ZCWPW2: variants seen among roughly 807,000 people sequenced by gnomAD.
ZCWPW2 encodes the protein zinc finger CW-type PWWP domain protein 2.
A neutral mutation model predicts 46.6 loss-of-function variants in ZCWPW2; 45 were observed. The observed-to-expected ratio is 0.96, with a 90% confidence interval of 0.76 to 1.24. The LOEUF (loss-of-function observed/expected upper bound fraction) is 1.24, where lower values mean the gene tolerates loss of function less well. Ranked by LOEUF, ZCWPW2 falls within the 50% of genes most tolerant of loss-of-function variation. The pLI is 0.00. For missense variants in ZCWPW2, 429 were observed against 403.9 expected (o/e 1.06, Z -0.53); for synonymous variants, 152 against 137.1 (o/e 1.11, Z -0.76).
At chr3:28,389,566 T>C (rs967164108) in intron 1 of ZCWPW2, among the ~76,000 whole-genome samples, 4 of 152,200 alleles carry the variant, frequency 2.6e-5, no homozygotes, top group Non-Finnish European at 4.4e-5. Context: ...GTTATTAGTG[T>C]CTTTAAATCT....
chr3:28,425,669 A>G (rs1696978891), intron 3 of ZCWPW2, among the ~76,000 whole-genome samples: 1 of 152,232 alleles, frequency 6.6e-6, no homozygotes, highest in Non-Finnish European at 1.5e-5. Context: ...AGAATCTAGA[A>G]CTGCTTTATA....
intron 4 of ZCWPW2, among the ~76,000 whole-genome samples, chr3:28,463,161 TAA>T (rs1698704883): frequency 6.6e-6 from 1 of 152,200 alleles, no homozygotes; most frequent in Non-Finnish European, 1.5e-5. Flanking sequence ...ATTTTTAGTC[TAA>T]GTGTCTTTCT....
intron 2 of ZCWPW2, among the ~76,000 whole-genome samples, chr3:28,401,039 C>T (rs936514990): frequency 4.6e-5 from 7 of 151,838 alleles, no homozygotes; most frequent in Non-Finnish European, 8.8e-5. Flanking sequence ...ATTAGCCGGG[C>T]GTGGTGGCAG....
At chr3:28,383,567 T>C (rs748335210) in intron 1 of ZCWPW2, among the ~76,000 whole-genome samples, 3 of 151,654 alleles carry the variant, frequency 2.0e-5, no homozygotes, top group African/African-American at 4.8e-5. Context: ...TTTTTTTTTC[T>C]ACTTTATAAG....
At position 28,435,212 on chromosome 3, in the gene ZCWPW2, C is replaced by T. The variant is rs1176847806; in HGVS notation, c.435C>T (p.Pro145=). Residue 145 remains proline (P), a synonymous_variant, in exon 4 of 10, where the codon CCC becomes CCT. Transcript: ENST00000383768. ...EEYHIEFLGD[P]HSRSWIKATF... ...ATCACATAGAATTCCTGGGCGATCC[C>T]CATTCAAGATCATGGATAAAGGCAA... is the stretch of plus-strand genomic sequence containing the variant. 1.7e-5 allele frequency: 27 copies of T among 1,613,086 alleles called. No homozygotes were observed. Among genetic ancestry groups the T allele is most frequent in the Non-Finnish European group, 2.3e-5 (27 of 1,179,878 alleles).
At chr3:28,430,406 A>G (rs1697208157) in intron 3 of ZCWPW2, among the ~76,000 whole-genome samples, 2 of 152,240 alleles carry the variant, frequency 1.3e-5, no homozygotes, top group African/African-American at 4.8e-5. Flanking sequence ...CCTTGTACTC[A>G]CATGGTATCT....
chr3:28,454,066 G>A (rs1041109389), intron 4 of ZCWPW2, among the ~76,000 whole-genome samples: 1 of 151,452 alleles, frequency 6.6e-6, no homozygotes, highest in African/African-American at 2.4e-5. Flanking sequence ...GGATGGTCTC[G>A]ATCTCCTGAC....
At chr3:28,507,020 GT>G (rs1700295642) in intron 6 of ZCWPW2, among the ~76,000 whole-genome samples, 1 of 152,096 alleles carries the variant, frequency 6.6e-6, no homozygotes, top group Non-Finnish European at 1.5e-5. Context: ...AATATTTATT[GT>G]TTACACCAGA....
chr3:28,435,052 T>C (rs1697425535), intron 3 of ZCWPW2, 58 bp from the exon 4 acceptor site: 2 of 1,579,504 alleles, frequency 1.3e-6, no homozygotes, highest in South Asian at 2.3e-5. Context: ...TTGATAGACG[T>C]GTTGATGTCT....
At chr3:28,369,326 G>C (rs1451947502) in intron 1 of ZCWPW2, among the ~76,000 whole-genome samples, 1 of 152,128 alleles carries the variant, frequency 6.6e-6, no homozygotes, top group African/African-American at 2.4e-5. Context: ...ACGTACAGAT[G>C]GGGTTTTGGT....
chr3:28,401,592 A>G (rs927932352), intron 2 of ZCWPW2, among the ~76,000 whole-genome samples: 1 of 152,224 alleles, frequency 6.6e-6, no homozygotes, highest in Non-Finnish European at 1.5e-5. Context: ...TGGACTTAAC[A>G]GATTTATACA....
At chr3:28,443,268 G>A (rs1697842577) in intron 4 of ZCWPW2, among the ~76,000 whole-genome samples, 3 of 152,226 alleles carry the variant, frequency 2.0e-5, no homozygotes, top group Middle Eastern at 3.4e-3. Context: ...AGTTACCCAG[G>A]TGAAAGCCCA....
At chr3:28,437,931 A>G (rs1428690827) in intron 4 of ZCWPW2, among the ~76,000 whole-genome samples, 3 of 152,110 alleles carry the variant, frequency 2.0e-5, no homozygotes, top group African/African-American at 7.2e-5. Context: ...TAATGTAACT[A>G]TTTTTGAACT....
At chr3:28,360,900 A>G (rs1704917147) in intron 1 of ZCWPW2, among the ~76,000 whole-genome samples, 1 of 152,138 alleles carries the variant, frequency 6.6e-6, no homozygotes, top group Non-Finnish European at 1.5e-5. Context: ...ATAAAGATAG[A>G]CATATAAACC....
chr3:28,352,167 C>CACACACACGA (rs143184926), intron 1 of ZCWPW2, among the ~76,000 whole-genome samples: 4 of 147,720 alleles, frequency 2.7e-5, no homozygotes, highest in South Asian at 2.1e-4. Flanking sequence ...CACACACACA[C>CACACACACGA]GAGAGAGAAT....
intron 9 of ZCWPW2, among the ~76,000 whole-genome samples, chr3:28,523,160 C>G (rs545276015): frequency 3.3e-5 from 5 of 152,272 alleles, no homozygotes; most frequent in African/African-American, 1.2e-4. Flanking sequence ...TGCTTTCAAA[C>G]AGCATTTCAG....
chr3:28,387,394 A>G (rs1397500353), intron 1 of ZCWPW2, among the ~76,000 whole-genome samples: 1 of 152,146 alleles, frequency 6.6e-6, no homozygotes, highest in African/African-American at 2.4e-5. Context: ...ACTCTTCTGT[A>G]ATTTCCTGGC....
At chr3:28,403,512 C>A (rs1218896866) in intron 2 of ZCWPW2, among the ~76,000 whole-genome samples, 2 of 151,992 alleles carry the variant, frequency 1.3e-5, no homozygotes, top group Non-Finnish European at 2.9e-5. Context: ...ATCAAAATAC[C>A]ATCATCATTC....
chr3:28,480,929 G>A (rs1373767068), intron 5 of ZCWPW2, among the ~76,000 whole-genome samples: 2 of 145,338 alleles, frequency 1.4e-5, no homozygotes, highest in Admixed American at 7.1e-5. Context: ...GCAATGGCGC[G>A]ATCTCAGCTC....
Sources: allele counts gnomAD v4.1 joint callset (sites outside exome capture counted in the v4.1 genomes callset), GRCh38; gene constraint gnomAD v4.1.1; transcripts MANE v1.5; gene names NCBI Gene and HGNC (gene_info 2026-07-23, HGNC 2026-07-21).